The following BIRC6 variants were observed in gnomAD, a reference collection of about 807,000 sequenced individuals.
BIRC6 encodes the protein baculoviral IAP repeat containing 6, also known as dual E2 ubiquitin-conjugating enzyme/E3 ubiquitin-protein ligase BIRC6.
A neutral mutation model predicts 503.3 loss-of-function variants in BIRC6; 98 were observed. The ratio of observed to expected loss-of-function variants is 0.19; its 90% CI spans 0.17 to 0.23. The LOEUF (loss-of-function observed/expected upper bound fraction) is 0.23, where lower values mean the gene tolerates loss of function less well. Among genes scored for constraint, BIRC6 ranks in the 10% least tolerant of loss-of-function variants. The pLI, the probability that BIRC6 is intolerant of heterozygous loss-of-function variation, is 1.00. For synonymous variants in BIRC6, 2,240 were observed against 2,078.7 expected, an observed-to-expected ratio of 1.08 and a Z score of -2.11; for missense variants, 5,360 against 5,806.0, an observed-to-expected ratio of 0.92 and a Z score of 2.50.
At chr2:32,498,349 G>A (rs897729742) in intron 45 of BIRC6, among the ~76,000 whole-genome samples, 16 of 152,232 alleles carry the variant, frequency 1.1e-4, no homozygotes, top group African/African-American at 3.4e-4. Flanking sequence ...ACTGTGCCCG[G>A]CCTATAACCG....
intron 65 of BIRC6, among the ~76,000 whole-genome samples, chr2:32,554,742 G>C (rs1015190072): frequency 1.3e-5 from 2 of 151,534 alleles, no homozygotes; most frequent in African/African-American, 4.9e-5. Flanking sequence ...TATGTTTAAA[G>C]CTCTTTTTTT....
chr2:32,534,230 C>G (rs964977016), intron 61 of BIRC6, among the ~76,000 whole-genome samples: 1 of 142,074 alleles, frequency 7.0e-6, no homozygotes, highest in Non-Finnish European at 1.5e-5. Flanking sequence ...AAAAATTAGC[C>G]CGGTGTGGTA....
In BIRC6 at chr2:32,373,528, C is replaced by A. The variant is rs140575097; in HGVS notation, c.326-4060C>A. On this transcript the variant is annotated intron_variant, in intron 1 of 73. Coordinates refer to ENST00000421745, the MANE Select transcript of BIRC6 (RefSeq NM_016252.4). Reference sequence around the variant, plus strand: ...AATGTTGCTGGGAAGACTGGATACTCACGTGCAAAAAGTATAAAGTTGGAC... The same window carrying A: ...AATGTTGCTGGGAAGACTGGATACTAACGTGCAAAAAGTATAAAGTTGGAC... Among the ~76,000 whole-genome samples, 1,224 of 152,260 alleles carry A rather than the reference C, an allele frequency of 8.0e-3. 22 individuals are homozygous for A. Among genetic ancestry groups the A allele is most frequent in the African/African-American group, 0.027 (1,114 of 41,558 alleles).
intron 10 of BIRC6, among the ~76,000 whole-genome samples, chr2:32,418,118 A>C (rs139597708): frequency 6.6e-6 from 1 of 152,350 alleles, no homozygotes; most frequent in African/African-American, 2.4e-5. Context: ...AATGGAAAAA[A>C]ATCTTTAAAT....
At chr2:32,578,950 C>T (rs1464035195) in intron 66 of BIRC6, among the ~76,000 whole-genome samples, 1 of 71,374 alleles carries the variant, frequency 1.4e-5, no homozygotes, top group South Asian at 3.5e-4. Context: ...TAAGAGAAAT[C>T]GTAGTTTACT....
chr2:32,616,308 A>G (rs1049779919), intron 73 of BIRC6, among the ~76,000 whole-genome samples: 1 of 152,134 alleles, frequency 6.6e-6, no homozygotes, highest in Non-Finnish European at 1.5e-5. Flanking sequence ...CTGTAATCCC[A>G]GCACTTTGGG....
At chr2:32,389,056 G>T (rs768925374) in intron 4 of BIRC6, 113 bp downstream of exon 4, 1 of 739,022 alleles carries the variant, frequency 1.4e-6, no homozygotes, top group Non-Finnish European at 1.9e-6. Flanking sequence ...ACAATTTCTA[G>T]CCTAATTTTG....
chr2:32,608,048 A>G (rs1029189779), intron 72 of BIRC6, among the ~76,000 whole-genome samples: 1 of 147,978 alleles, frequency 6.8e-6, no homozygotes, highest in Non-Finnish European at 1.5e-5. Context: ...CTTTATATGT[A>G]TCTAGTATAT....
chr2:32,616,570 A>AG (rs1461494272), intron 73 of BIRC6, among the ~76,000 whole-genome samples: 1 of 151,046 alleles, frequency 6.6e-6, no homozygotes, highest in Non-Finnish European at 1.5e-5. Flanking sequence ...CAAAAAAAAA[A>AG]AAAAAAAAAA....
intron 17 of BIRC6, 58 bp downstream of exon 17, chr2:32,441,520 CCA>C: frequency 3.4e-6 from 5 of 1,473,708 alleles, no homozygotes; most frequent in Non-Finnish European, 4.6e-6. Flanking sequence ...GAGCATAACA[CCA>C]CACACATACA....
intron 65 of BIRC6, among the ~76,000 whole-genome samples, chr2:32,568,047 G>A (rs1003631666): frequency 1.3e-5 from 2 of 152,214 alleles, no homozygotes; most frequent in South Asian, 2.1e-4. Context: ...GGGAGGTGGA[G>A]CTTGCAGTGA....
chr2:32,547,800 A>G (rs1315357030), intron 63 of BIRC6, 50 bp from the exon 64 acceptor site: 15 of 1,404,138 alleles, frequency 1.1e-5, no homozygotes, highest in Non-Finnish European at 1.4e-5. Flanking sequence ...ATATTTTTGA[A>G]GATAAGCAAA....
intron 45 of BIRC6, among the ~76,000 whole-genome samples, chr2:32,498,664 T>G (rs1283354367): frequency 6.6e-6 from 1 of 152,178 alleles, no homozygotes; most frequent in Non-Finnish European, 1.5e-5. Flanking sequence ...CTCAACTCAC[T>G]GCAACCTCCT....
At chr2:32,493,395 C>T (rs1193642939) in intron 44 of BIRC6, 145 bp from the exon 45 acceptor site, 1 of 620,718 alleles carries the variant, frequency 1.6e-6, no homozygotes, top group Non-Finnish European at 2.6e-6. Context: ...AATTCATTTC[C>T]TGCTATCATT....
chr2:32,460,245 GATAT>G (rs1269564471), intron 23 of BIRC6, among the ~76,000 whole-genome samples: 405 of 30,946 alleles, frequency 0.013, 13 homozygotes, highest in Middle Eastern at 0.036. Flanking sequence ...TCTCGTATAT[GATAT>G]ATATATATAT....
chr2:32,520,992 A>T (rs2055597932), intron 57 of BIRC6, among the ~76,000 whole-genome samples: 1 of 152,212 alleles, frequency 6.6e-6, no homozygotes, highest in South Asian at 2.1e-4. Context: ...TGCTATTCTA[A>T]AACATTCTAG....
At chr2:32,463,499 C>G in intron 24 of BIRC6, 118 bp downstream of exon 24, 1 of 979,726 alleles carries the variant, frequency 1.0e-6, no homozygotes, top group Non-Finnish European at 1.4e-6. Flanking sequence ...CTGAGCTAAT[C>G]AGTTTCAACA....
chr2:32,510,001 A>T lies in BIRC6; in HGVS notation c.10237+7A>T. On this transcript the variant is annotated splice_region_variant and intron_variant, in intron 52 of 73. Transcript: ENST00000421745. ...TCAGGCAGTGATCCTACAGGTGATA[A>T]TTAACTTTGATATTTAAATGTTTAC... The T allele has an allele frequency of 6.2e-7, 1 of 1,612,148 alleles. No individual in the cohort carries two copies. The highest frequency in any genetic ancestry group is 8.5e-7 in the Non-Finnish European group (1 of 1,179,420).
chr2:32,393,348 A>C (rs779194378), intron 5 of BIRC6, among the ~76,000 whole-genome samples: 6 of 152,182 alleles, frequency 3.9e-5, no homozygotes, highest in Non-Finnish European at 7.3e-5. Context: ...TTGCTGAATT[A>C]GAGGGAAGTT....
Sources: gnomAD v4.1 joint callset for allele counts (sites outside exome capture counted in the v4.1 genomes callset) on GRCh38, gnomAD v4.1.1 for gene constraint, MANE v1.5 for transcripts, NCBI Gene and HGNC (gene_info 2026-07-23, HGNC 2026-07-21) for gene names.